Variants in TENM4 observed in about 807,000 individuals in gnomAD.
TENM4 encodes teneurin transmembrane protein 4.
In TENM4, 82 loss-of-function variants were observed where a neutral mutation model predicts 243.3. That is an observed-to-expected ratio of 0.34 (90% confidence interval 0.28 to 0.40). The LOEUF is 0.40. TENM4 is among the 10% of genes least tolerant of loss of function. The pLI is 1.00. For missense variants in TENM4, 3,138 were observed against 3,673.3 expected (o/e 0.85, Z 3.77); for synonymous variants, 1,412 against 1,456.3 (o/e 0.97, Z 0.69).
chr11:78,948,039 A>G (rs981287282), intron 6 of TENM4, among the ~76,000 whole-genome samples: 1 of 152,222 alleles, frequency 6.6e-6, no homozygotes, highest in Non-Finnish European at 1.5e-5. Context: ...GCTATTGTCC[A>G]GTCTCTAGCC....
chr11:78,859,902 T>C (rs1003482784), intron 10 of TENM4, among the ~76,000 whole-genome samples: 3 of 152,238 alleles, frequency 2.0e-5, no homozygotes, highest in African/African-American at 7.2e-5. Flanking sequence ...CAATGTTTTT[T>C]TCCCTTCCCC....
intron 12 of TENM4, among the ~76,000 whole-genome samples, chr11:78,834,191 T>C (rs2136154318): frequency 6.6e-6 from 1 of 152,364 alleles, no homozygotes; most frequent in South Asian, 2.1e-4. Context: ...TTAACTTTCC[T>C]ATTTCTAATG....
chr11:79,319,714 C>T (rs4945339), intron 1 of TENM4, among the ~76,000 whole-genome samples: 27,097 of 151,732 alleles, frequency 0.18, 2,494 homozygotes, highest in Non-Finnish European at 0.19. Context: ...AGATACCTAA[C>T]GTGAGCAGGA....
chr11:79,218,181 C>A (rs899842053), intron 2 of TENM4, among the ~76,000 whole-genome samples: 1 of 152,046 alleles, frequency 6.6e-6, no homozygotes. Context: ...ATGGCTATTA[C>A]ATCTTTAATT....
At chr11:79,388,667 C>T (rs1048058857) in intron 1 of TENM4, among the ~76,000 whole-genome samples, 1 of 152,182 alleles carries the variant, frequency 6.6e-6, no homozygotes, top group Admixed American at 6.5e-5. Context: ...GAGCACCACT[C>T]GATGGGATGC....
At chr11:79,161,454 G>T (rs1412452630) in intron 3 of TENM4, among the ~76,000 whole-genome samples, 2 of 152,182 alleles carry the variant, frequency 1.3e-5, no homozygotes, top group Non-Finnish European at 1.5e-5. Context: ...CTGGATTAGG[G>T]TGGGCTCTAA....
chr11:79,084,863 C>G (rs1249932326), intron 4 of TENM4, among the ~76,000 whole-genome samples: 1 of 152,136 alleles, frequency 6.6e-6, no homozygotes, highest in Non-Finnish European at 1.5e-5. Flanking sequence ...TGCACACACA[C>G]TCATTCAGAT....
intron 15 of TENM4, among the ~76,000 whole-genome samples, chr11:78,797,969 G>C (rs1230199444): frequency 6.6e-6 from 1 of 152,172 alleles, no homozygotes; most frequent in Non-Finnish European, 1.5e-5. Context: ...TCTGGACTGA[G>C]AAGCTAATGC....
At chr11:79,306,299 CACT>C (rs1856625111) in intron 1 of TENM4, among the ~76,000 whole-genome samples, 1 of 152,136 alleles carries the variant, frequency 6.6e-6, no homozygotes, top group Non-Finnish European at 1.5e-5. Context: ...GACAGTGTTC[CACT>C]CAGGGATATG....
In TENM4 at chr11:78,656,276, A is replaced by G. The variant is rs1857892185; in HGVS notation, c.*1782T>C. ...TCAGTCCAACAAGGTTTCCACGGGG[A>G]ATAGCTCAGACTCAGAATTCATTTT... On this transcript the variant is annotated 3_prime_UTR_variant, in exon 34 of 34. Coordinates refer to ENST00000278550, the MANE Select transcript of TENM4 (RefSeq NM_001098816.3). 2 of 152,234 alleles carry G rather than the reference A, an allele frequency of 1.3e-5. No individual in the cohort carries two copies. The highest frequency in any genetic ancestry group is 2.9e-5 in the Non-Finnish European group (2 of 68,058). 9.4% of individuals were successfully genotyped at this position (152,234 alleles called of 1,614,324 possible).
intron 19 of TENM4, among the ~76,000 whole-genome samples, chr11:78,755,162 G>C (rs920697514): frequency 6.6e-6 from 1 of 151,960 alleles, no homozygotes; most frequent in South Asian, 2.1e-4. Flanking sequence ...TTCCCCTTGA[G>C]CAAGGTTTTT....
intron 4 of TENM4, among the ~76,000 whole-genome samples, chr11:79,094,466 C>T (rs764193898): frequency 2.6e-5 from 4 of 152,150 alleles, no homozygotes; most frequent in Non-Finnish European, 4.4e-5. Context: ...AGCCCATATT[C>T]GTCTACCATG....
chr11:78,828,025 G>A (rs1349070178), intron 12 of TENM4, among the ~76,000 whole-genome samples: 1 of 152,168 alleles, frequency 6.6e-6, no homozygotes, highest in Non-Finnish European at 1.5e-5. Context: ...CTGCCACAGT[G>A]ACTAGCACAG....
At chr11:79,069,204 G>A (rs777605187) in intron 5 of TENM4, among the ~76,000 whole-genome samples, 2 of 152,140 alleles carry the variant, frequency 1.3e-5, no homozygotes, top group African/African-American at 4.8e-5. Flanking sequence ...TAACCATCTC[G>A]GGAAGGTCTT....
In TENM4 at chr11:79,434,574, G is replaced by A. The variant is rs74461177; in HGVS notation, c.-321+5935C>T. Among the ~76,000 whole-genome samples the A allele has an allele frequency of 1.3e-3, 194 of 152,310 alleles. 8 individuals are homozygous for A. The East Asian group carries it at 0.033, about 26-fold the overall frequency. On this transcript the variant is annotated intron_variant, in intron 1 of 33. Coordinates refer to ENST00000278550, the MANE Select transcript of TENM4 (RefSeq NM_001098816.3). ...CAGAAAGTGATGATTCCAAGAGCCA[G>A]GGAAGAAAAATGTTCTTGGAAAAAG...
At chr11:78,717,980 A>G (rs1391523794) in intron 25 of TENM4, among the ~76,000 whole-genome samples, 1 of 152,212 alleles carries the variant, frequency 6.6e-6, no homozygotes, top group Admixed American at 6.5e-5. Flanking sequence ...TGCCCGACAC[A>G]GCAGGCTGGC....
At chr11:79,179,520 T>A (rs1863240787) in intron 3 of TENM4, among the ~76,000 whole-genome samples, 1 of 145,536 alleles carries the variant, frequency 6.9e-6, no homozygotes, top group Non-Finnish European at 1.6e-5. Flanking sequence ...ACAAGATGAT[T>A]AAGATAGTCC....
At chr11:79,344,501 T>C (rs904251775) in intron 1 of TENM4, among the ~76,000 whole-genome samples, 6 of 152,258 alleles carry the variant, frequency 3.9e-5, no homozygotes, top group African/African-American at 1.4e-4. Context: ...CTATGGAACT[T>C]ACAGAAAGAG....
chr11:78,934,709 T>C (rs1173370367), intron 6 of TENM4, among the ~76,000 whole-genome samples: 3 of 152,230 alleles, frequency 2.0e-5, no homozygotes, highest in African/African-American at 7.2e-5. Flanking sequence ...GACCTGCTTT[T>C]ATATTAGTTC....
Sources: allele counts gnomAD v4.1 joint callset (sites outside exome capture counted in the v4.1 genomes callset), GRCh38; gene constraint gnomAD v4.1.1; transcripts MANE v1.5; gene names NCBI Gene and HGNC (gene_info 2026-07-23, HGNC 2026-07-21).